Variants in SLC10A7 observed in about 807,000 individuals in gnomAD.
SLC10A7 encodes the protein solute carrier family 10 member 7.
SLC10A7 carries 29 observed loss-of-function variants against 43.2 expected under a neutral mutation model. The ratio of observed to expected loss-of-function variants is 0.67; its 90% CI spans 0.50 to 0.92. The LOEUF is 0.92. Among genes scored for constraint, SLC10A7 ranks in the 40% least tolerant of loss-of-function variants. The pLI is 0.00. For synonymous variants in SLC10A7, 152 were observed against 144.8 expected (o/e 1.05, Z -0.35); for missense variants, 295 against 403.2 (o/e 0.73, Z 2.30).
intron 4 of SLC10A7, among the ~76,000 whole-genome samples, chr4:146,456,715 CATT>C (rs748212399): frequency 5.9e-5 from 9 of 151,882 alleles, no homozygotes; most frequent in Non-Finnish European, 1.0e-4. Context: ...ATTGGTGTCT[CATT>C]ATGTAGGCAT....
chr4:146,417,785 T>A (rs987991909), intron 5 of SLC10A7, among the ~76,000 whole-genome samples: 1 of 152,164 alleles, frequency 6.6e-6, no homozygotes, highest in African/African-American at 2.4e-5. Context: ...TTTCTTTGAT[T>A]CTTTCAGCTA....
At chr4:146,317,765 C>T (rs965094655) in intron 6 of SLC10A7, among the ~76,000 whole-genome samples, 2 of 151,818 alleles carry the variant, frequency 1.3e-5, no homozygotes, top group African/African-American at 4.8e-5. Context: ...TCTTTTGGCT[C>T]CAGGACCTAT....
chr4:146,439,992 C>G (rs1035781161), intron 5 of SLC10A7, among the ~76,000 whole-genome samples: 4 of 152,158 alleles, frequency 2.6e-5, no homozygotes, highest in Non-Finnish European at 5.9e-5. Flanking sequence ...CTCCCTGAAG[C>G]CTTCTCATGT....
Position 146,274,356 on chromosome 4 carries a change from A to G in SLC10A7, c.847+8836T>C, listed in dbSNP as rs1183748020. On this transcript the variant is annotated intron_variant, in intron 10 of 11. Transcript: ENST00000335472. The stretch of plus-strand genomic sequence containing the variant: ...GTAGCTGGGATTACAGGTGCCTGCC[A>G]CCCCGCCTGGCTAGTTTTTGTATTT... 3.3e-5 allele frequency among the ~76,000 whole-genome samples: 5 copies of G among 151,416 alleles called. No homozygotes were observed. In the East Asian group the frequency reaches 9.7e-4, roughly 29 times the overall value.
intron 10 of SLC10A7, among the ~76,000 whole-genome samples, chr4:146,260,203 A>T (rs76345380): frequency 4.4e-4 from 15 of 33,724 alleles, no homozygotes; most frequent in African/African-American, 8.4e-4. Context: ...GCCTTTTTTT[A>T]AAAAAAAGCT....
chr4:146,359,273 G>A (rs966037649), intron 5 of SLC10A7, among the ~76,000 whole-genome samples: 1 of 152,086 alleles, frequency 6.6e-6, no homozygotes, highest in Non-Finnish European at 1.5e-5. Flanking sequence ...GGGTAGAAGT[G>A]CTTGCTGGAT....
At chr4:146,488,120 G>T (rs1735075244) in intron 4 of SLC10A7, among the ~76,000 whole-genome samples, 1 of 152,048 alleles carries the variant, frequency 6.6e-6, no homozygotes, top group Non-Finnish European at 1.5e-5. Context: ...GAATCTGGGA[G>T]GTCAAGGCTG....
At chr4:146,271,227 C>T (rs1728872467) in intron 10 of SLC10A7, among the ~76,000 whole-genome samples, 1 of 152,138 alleles carries the variant, frequency 6.6e-6, no homozygotes, top group African/African-American at 2.4e-5. Flanking sequence ...AAAGACATAT[C>T]AAACTTCACA....
At chr4:146,519,950 C>T (rs1403481517) in intron 1 of SLC10A7, among the ~76,000 whole-genome samples, 2 of 152,104 alleles carry the variant, frequency 1.3e-5, no homozygotes, top group Non-Finnish European at 2.9e-5. Flanking sequence ...CAATAATGTA[C>T]CAAAATATTA....
chr4:146,514,075 T>C (rs1206186259), intron 2 of SLC10A7: 1 of 152,398 alleles, frequency 6.6e-6, no homozygotes, highest in East Asian at 1.9e-4. Context: ...TAGACACCGA[T>C]TTCTCTTGTA....
intron 11 of SLC10A7, among the ~76,000 whole-genome samples, chr4:146,258,241 G>T (rs1728000001): frequency 6.6e-6 from 1 of 151,974 alleles, no homozygotes; most frequent in Admixed American, 6.5e-5. Flanking sequence ...TGTACAAATA[G>T]GTTATTATAT....
chr4:146,263,947 T>A (rs1168653159), intron 10 of SLC10A7, among the ~76,000 whole-genome samples: 1 of 152,244 alleles, frequency 6.6e-6, no homozygotes, highest in Non-Finnish European at 1.5e-5. Context: ...TACTACCTGA[T>A]CCAAACACTT....
In SLC10A7 at chr4:146,256,437, A is replaced by C. The variant is rs1433656236; in HGVS notation, c.*54T>G. 4.6e-6 allele frequency: 7 copies of C among 1,537,224 alleles called. No homozygotes were observed. The Admixed American group carries it at 1.2e-4, about 26-fold the overall frequency. On this transcript the variant is annotated 3_prime_UTR_variant, in exon 12 of 12. Coordinates refer to ENST00000335472, the MANE Select transcript of SLC10A7 (RefSeq NM_001029998.6). ...ACAAGTACAAGTCTTCAGAATTGCT[A>C]GTATGTACAATCCTGTACATATATA...
At chr4:146,363,498 C>A (rs1465920186) in intron 5 of SLC10A7, among the ~76,000 whole-genome samples, 1 of 152,036 alleles carries the variant, frequency 6.6e-6, no homozygotes, top group Non-Finnish European at 1.5e-5. Flanking sequence ...CACTATAGAC[C>A]AAATGGACCT....
At chr4:146,393,944 A>G (rs1385460329) in intron 5 of SLC10A7, among the ~76,000 whole-genome samples, 1 of 152,228 alleles carries the variant, frequency 6.6e-6, no homozygotes, top group Non-Finnish European at 1.5e-5. Context: ...TCAATTTCAA[A>G]GTACAAACAC....
intron 6 of SLC10A7, among the ~76,000 whole-genome samples, chr4:146,315,594 A>G (rs1732273227): frequency 6.6e-6 from 1 of 152,144 alleles, no homozygotes; most frequent in South Asian, 2.1e-4. Flanking sequence ...CTACTATTTA[A>G]TGAAGTGTTT....
intron 5 of SLC10A7, among the ~76,000 whole-genome samples, chr4:146,344,231 G>C (rs759053977): frequency 2.8e-4 from 42 of 151,996 alleles, no homozygotes; most frequent in Non-Finnish European, 4.4e-5. Context: ...ACTTTGAATG[G>C]AGACTATGCC....
chr4:146,484,770 T>C lies in SLC10A7; in HGVS notation c.396+19079A>G, dbSNP rs184429654. Among the ~76,000 whole-genome samples the C allele has an allele frequency of 2.1e-3, 319 of 152,266 alleles. 1 individual carries two copies. Among genetic ancestry groups the C allele is most frequent in the African/African-American group, 7.2e-3 (299 of 41,558 alleles). On this transcript the variant is annotated intron_variant, in intron 4 of 11. Transcript: ENST00000335472. ...TGGTATCAGATTAGCATAAATCAGA[T>C]AAAAGAGTGGGAGTTATTGATATAT...
chr4:146,308,386 G>A (rs942636494), intron 6 of SLC10A7, among the ~76,000 whole-genome samples: 1 of 152,118 alleles, frequency 6.6e-6, no homozygotes, highest in African/African-American at 2.4e-5. Flanking sequence ...AGTTTCTGAT[G>A]CTATGAAGTA....
Sources: allele counts gnomAD v4.1 joint callset (sites outside exome capture counted in the v4.1 genomes callset), GRCh38; gene constraint gnomAD v4.1.1; transcripts MANE v1.5; gene names NCBI Gene and HGNC (gene_info 2026-07-23, HGNC 2026-07-21).